PCDH15: variants seen among roughly 807,000 people sequenced by gnomAD.
The protein encoded by PCDH15 is protocadherin related 15.
PCDH15 carries 129 observed loss-of-function variants against 178.5 expected under a neutral mutation model. That is an observed-to-expected ratio of 0.72 (90% confidence interval 0.63 to 0.84). The LOEUF (loss-of-function observed/expected upper bound fraction) is 0.84, where lower values mean the gene tolerates loss of function less well. Ranked by LOEUF, PCDH15 falls within the 40% of genes least tolerant of loss-of-function variation. The probability of loss-of-function intolerance (pLI) is 0.00; values close to 1 mark genes in which losing one functional copy is unlikely to be tolerated. For synonymous variants in PCDH15, 800 were observed against 732.0 expected, an observed-to-expected ratio of 1.09 and a Z score of -1.50; for missense variants, 2,230 against 2,099.9, an observed-to-expected ratio of 1.06 and a Z score of -1.21.
intron 1 of PCDH15, among the ~76,000 whole-genome samples, chr10:54,664,644 C>A (rs1310928816): frequency 2.0e-5 from 3 of 151,926 alleles, no homozygotes; most frequent in Non-Finnish European, 4.4e-5. Flanking sequence ...TTGTCTACAG[C>A]ATAATTTTAC....
Position 54,236,909 on chromosome 10 carries a change from A to G in PCDH15, c.899T>C (p.Val300Ala), listed in dbSNP as rs2054684847. ...ATCAATGGCTTGGATTGGTGGCGTA[A>G]CAATAATGGGGTTCAGTTCTTCCTG... Reference protein sequence around the residue: ...RTPEELNPIIVTPPIQAIDQD... With the variant: ...RTPEELNPIIATPPIQAIDQD... The change falls in exon 9 of 38, where the codon GTT (valine) becomes GCT (alanine). Residue 300 changes from valine (V) to alanine (A), a missense_variant. Val to Ala is a moderately conservative substitution (Grantham distance 64). Transcript: ENST00000644397. 1 of 1,613,532 alleles carries G rather than the reference A, an allele frequency of 6.2e-7. No homozygotes were observed. Among genetic ancestry groups the G allele is most frequent in the South Asian group, 1.1e-5 (1 of 91,088 alleles).
chr10:54,456,801 A>T (rs965086465), intron 3 of PCDH15, among the ~76,000 whole-genome samples: 1 of 151,968 alleles, frequency 6.6e-6, no homozygotes, highest in Non-Finnish European at 1.5e-5. Flanking sequence ...GGGGTTGGTT[A>T]CCCTCGTGTT....
chr10:53,847,332 G>T (rs1041664508), intron 28 of PCDH15, among the ~76,000 whole-genome samples: 1 of 151,990 alleles, frequency 6.6e-6, no homozygotes, highest in Non-Finnish European at 1.5e-5. Flanking sequence ...CACCCCAAGT[G>T]CTTATCAATA....
At chr10:55,341,574 CTT>C (rs60297759) in intron 2 of PCDH15, among the ~76,000 whole-genome samples, 32 of 137,208 alleles carry the variant, frequency 2.3e-4, no homozygotes, top group South Asian at 4.6e-4. Flanking sequence ...GATTAGCATC[CTT>C]TTTTTTTTTT....
intron 15 of PCDH15, among the ~76,000 whole-genome samples, chr10:54,090,433 A>G (rs1324726562): frequency 1.3e-5 from 2 of 152,294 alleles, no homozygotes; most frequent in East Asian, 3.9e-4. Flanking sequence ...ACCTGAGATC[A>G]GGAGTTCAAG....
At chr10:54,288,759 T>G (rs1028719617) in intron 8 of PCDH15, among the ~76,000 whole-genome samples, 8 of 152,210 alleles carry the variant, frequency 5.3e-5, no homozygotes, top group Non-Finnish European at 7.3e-5. Flanking sequence ...CCTTGCACAC[T>G]GCTAGTGCAG....
chr10:55,531,670 T>A (rs1362434752), intron 2 of PCDH15, among the ~76,000 whole-genome samples: 1 of 152,034 alleles, frequency 6.6e-6, no homozygotes, highest in African/African-American at 2.4e-5. Flanking sequence ...GTGACTAAAA[T>A]TATTGTGCAG....
At position 54,148,910 on chromosome 10, in the gene PCDH15, A is replaced by T. The variant is rs971425163; in HGVS notation, c.1784+4190T>A. On this transcript the variant is annotated intron_variant, in intron 14 of 37. Transcript: ENST00000644397. ...GTTTTCTCACTTGACTTTCTAATTT[A>T]AAAGTCTTTCCAAGAATTCCTCCTA... Among the ~76,000 whole-genome samples, 3 of 151,942 alleles carry T rather than the reference A, an allele frequency of 2.0e-5. 1 individual carries two copies. Among genetic ancestry groups the T allele is most frequent in the South Asian group, 4.2e-4 (2 of 4,814 alleles).
At chr10:54,245,449 T>A (rs2055826753) in intron 8 of PCDH15, among the ~76,000 whole-genome samples, 1 of 152,120 alleles carries the variant, frequency 6.6e-6, no homozygotes, top group Non-Finnish European at 1.5e-5. Context: ...ATGATAGATA[T>A]TGACTTTACC....
At chr10:55,156,034 G>C (rs1400683586) in intron 2 of PCDH15, among the ~76,000 whole-genome samples, 1 of 152,024 alleles carries the variant, frequency 6.6e-6, no homozygotes, top group African/African-American at 2.4e-5. Context: ...GTGATCACAG[G>C]AAACCCACGA....
At chr10:55,441,665 T>G (rs1303094423) in intron 2 of PCDH15, among the ~76,000 whole-genome samples, 1 of 152,126 alleles carries the variant, frequency 6.6e-6, no homozygotes, top group Non-Finnish European at 1.5e-5. Flanking sequence ...CCTAACAACA[T>G]TTTAAGAAGC....
At chr10:54,833,413 C>T (rs1953259880) in intron 3 of PCDH15, among the ~76,000 whole-genome samples, 1 of 152,168 alleles carries the variant, frequency 6.6e-6, no homozygotes, top group African/African-American at 2.4e-5. Flanking sequence ...GTGGGTGGAT[C>T]ACCCTCCATG....
intron 3 of PCDH15, among the ~76,000 whole-genome samples, chr10:54,462,287 A>AAC (rs1204245333): frequency 2.6e-4 from 38 of 146,620 alleles, no homozygotes; most frequent in Admixed American, 1.4e-3. Context: ...TTTGGAAGGA[A>AAC]ACACACACAC....
At chr10:54,639,109 A>G (rs1463441347) in intron 2 of PCDH15, among the ~76,000 whole-genome samples, 1 of 152,156 alleles carries the variant, frequency 6.6e-6, no homozygotes, top group Non-Finnish European at 1.5e-5. Flanking sequence ...GGTGAGTACT[A>G]TTCTTAATGT....
At position 54,774,615 on chromosome 10, in the gene PCDH15, ACT is replaced by A. The variant is rs1283427223; in HGVS notation, c.-29+26308_-29+26309del. 3.9e-5 allele frequency among the ~76,000 whole-genome samples: 6 copies of A among 152,236 alleles called. No individual in the cohort carries two copies. The South Asian group carries it at 6.2e-4, about 16-fold the overall frequency. ...TTAAATAAAACTTATGTTTTAACAA[ACT>A]CTGTATACTTAAATTCACCAGTGGT... On this transcript the variant is annotated intron_variant, in intron 1 of 37. Coordinates refer to ENST00000644397, the MANE Select transcript of PCDH15 (RefSeq NM_001384140.1).
chr10:54,632,952 T>G (rs2093742236), intron 2 of PCDH15, among the ~76,000 whole-genome samples: 1 of 152,068 alleles, frequency 6.6e-6, no homozygotes, highest in Non-Finnish European at 1.5e-5. Flanking sequence ...TAGCCTGAAT[T>G]CCCACTAATG....
chr10:55,023,791 A>G (rs1031179709), intron 2 of PCDH15, among the ~76,000 whole-genome samples: 2 of 151,112 alleles, frequency 1.3e-5, no homozygotes, highest in African/African-American at 4.9e-5. Flanking sequence ...ATATACACAC[A>G]TATTCATATA....
intron 14 of PCDH15, among the ~76,000 whole-genome samples, chr10:54,144,965 T>A (rs968278494): frequency 3.9e-5 from 6 of 152,150 alleles, no homozygotes; most frequent in Non-Finnish European, 8.8e-5. Context: ...CTTATCTATG[T>A]GTGAATATAA....
At position 55,625,760 on chromosome 10, in the gene PCDH15, C is replaced by A. The variant is rs375522044; in HGVS notation, c.-156+1865G>T. 7.9e-5 allele frequency among the ~76,000 whole-genome samples: 12 copies of A among 152,250 alleles called. No homozygotes were observed. The East Asian group carries it at 1.9e-3, about 25-fold the overall frequency. The stretch of plus-strand genomic sequence containing the variant: ...AAGGTTGATTTCCGCTGAAGATAAT[C>A]CATCTTCTACACACACACTCTCTCT... On this transcript the variant is annotated intron_variant, in intron 2 of 5. Transcript: ENST00000613346.
Sources: allele counts gnomAD v4.1 joint callset (sites outside exome capture counted in the v4.1 genomes callset), GRCh38; gene constraint gnomAD v4.1.1; transcripts MANE v1.5; gene names NCBI Gene and HGNC (gene_info 2026-07-23, HGNC 2026-07-21).